Variants in PCNX2 observed in about 807,000 individuals in gnomAD.
The protein encoded by PCNX2 is pecanex 2.
Under a neutral mutation model 223.8 loss-of-function variants are expected in PCNX2, and 168 were observed. That is an observed-to-expected ratio of 0.75 (90% confidence interval 0.66 to 0.85). PCNX2 has a LOEUF of 0.85. Ranked by LOEUF, PCNX2 falls within the 40% of genes least tolerant of loss-of-function variation. The pLI is 0.00. For synonymous variants in PCNX2, 1,006 were observed against 1,052.6 expected (o/e 0.96, Z 0.86); for missense variants, 2,507 against 2,675.5 (o/e 0.94, Z 1.39).
rs1662045705 is a variant in PCNX2 at position 233,295,602 on chromosome 1, T to TCGCCCCCGCCGC, written c.-136_-125dup. Reference sequence around the variant, plus strand: ...CGCGCCCCCGCCGTCGCCGCCGCCGTCGCCCCCGCCGCCTCCTTCCACCCC... The same window carrying TCGCCCCCGCCGC: ...CGCGCCCCCGCCGTCGCCGCCGCCGTCGCCCCCGCCGCCGCCCCCGCCGCCTCCTTCCACCCC... On this transcript the variant is annotated 5_prime_UTR_variant, in exon 1 of 34. Coordinates refer to ENST00000258229, the MANE Select transcript of PCNX2 (RefSeq NM_014801.4). This position sits in a 1 kb window ranked among gnomAD's most constrained non-coding sequence, Gnocchi z 4.1. The TCGCCCCCGCCGC allele has an allele frequency of 2.8e-6, 3 of 1,072,758 alleles. No homozygotes were observed. Among genetic ancestry groups the TCGCCCCCGCCGC allele is most frequent in the Admixed American group, 4.4e-5 (1 of 22,814 alleles). 66.5% of individuals were successfully genotyped at this position (1,072,758 alleles called of 1,614,324 possible). A position where few individuals can be genotyped will look rare whatever the true frequency, so the allele number is the denominator to read the frequency against.
Position 233,025,187 on chromosome 1 carries a change from C to A in PCNX2, c.4564G>T (p.Val1522Leu). The change falls in exon 26 of 34, where the codon GTG (valine) becomes TTG (leucine). Residue 1522 changes from valine (V) to leucine (L), a missense_variant. Around this residue, in one of 3 missense-constraint regions of PCNX2, gnomAD observed 1,372 missense variants for 1,509.4 expected, o/e 0.91. Coordinates refer to ENST00000258229, the MANE Select transcript of PCNX2 (RefSeq NM_014801.4). ...ATGAGGATCCTTCGGAGGTCAAACACCTGCAGCATGGTGGCCGCGTTGTTG... is the reference window on the plus strand; with the variant it reads ...ATGAGGATCCTTCGGAGGTCAAACAACTGCAGCATGGTGGCCGCGTTGTTG... Reference protein sequence around the residue: ...LDNNAATMLQVFDLRRILIRY... With the variant: ...LDNNAATMLQLFDLRRILIRY... The A allele has an allele frequency of 6.2e-7, 1 of 1,614,010 alleles. No homozygotes were observed. Among genetic ancestry groups the A allele is most frequent in the Non-Finnish European group, 8.5e-7 (1 of 1,179,882 alleles).
the PCNX2 span, among the ~76,000 whole-genome samples, chr1:233,303,922 T>G: frequency 6.6e-6 from 1 of 152,250 alleles, no homozygotes; most frequent in African/African-American, 2.4e-5. Flanking sequence ...GGATACAGTT[T>G]TTATTTGATC....
chr1:233,297,221 A>C (rs1286827108), upstream of PCNX2, among the ~76,000 whole-genome samples: 15 of 152,358 alleles, frequency 9.8e-5, no homozygotes, highest in East Asian at 2.9e-3. Flanking sequence ...GTCTGTTCCC[A>C]CATGGAGGTT....
rs1024769555 is a variant in PCNX2 at position 232,991,826 on chromosome 1, C to T, written c.5792-5286G>A. Among the ~76,000 whole-genome samples the T allele has an allele frequency of 3.3e-5, 5 of 152,164 alleles. No homozygotes were observed. Among genetic ancestry groups the T allele is most frequent in the Non-Finnish European group, 7.3e-5 (5 of 68,048 alleles). On this transcript the variant is annotated intron_variant, in intron 32 of 33. Transcript: ENST00000258229. The surrounding 1 kb of genome is among the most constrained non-coding windows in gnomAD (Gnocchi z 4.3). ...ACCAAGCCTGCCCACACCTGGATCT[C>T]AGACTTCCAGCCTCCAGAACTGGCA...
chr1:233,216,384 G>C lies in PCNX2; in HGVS notation c.2691+1515C>G, dbSNP rs1656904844. 2.0e-5 allele frequency among the ~76,000 whole-genome samples: 3 copies of C among 152,282 alleles called. No homozygotes were observed. The South Asian group carries it at 6.2e-4, about 32-fold the overall frequency. ...AGTCTTTGTTATGAATTAGCTCAAA[G>C]TTACAGAGATGAAAAGTAACAATAT... On this transcript the variant is annotated intron_variant, in intron 12 of 33. Transcript: ENST00000258229.
chr1:233,085,659 G>C (rs1190255321), intron 23 of PCNX2, among the ~76,000 whole-genome samples: 1 of 152,136 alleles, frequency 6.6e-6, no homozygotes, highest in South Asian at 2.1e-4. Flanking sequence ...TCTGAGGCTA[G>C]GCCAGAAAAA....
chr1:233,243,583 T>A (rs1348974442), intron 8 of PCNX2, among the ~76,000 whole-genome samples: 2 of 152,158 alleles, frequency 1.3e-5, no homozygotes, highest in African/African-American at 4.8e-5. Context: ...ATCACATAAA[T>A]CAACTCATAA....
At chr1:233,230,206 T>C (rs978387051) in intron 9 of PCNX2, among the ~76,000 whole-genome samples, 3 of 152,164 alleles carry the variant, frequency 2.0e-5, no homozygotes, top group African/African-American at 7.2e-5. Context: ...CACATCTGTA[T>C]CTATGTATGG....
At chr1:233,060,995 T>C (rs1672387002) in intron 23 of PCNX2, among the ~76,000 whole-genome samples, 1 of 152,202 alleles carries the variant, frequency 6.6e-6, no homozygotes, top group Non-Finnish European at 1.5e-5. Context: ...GCACCTTCTC[T>C]CTCAGTTTCA....
chr1:233,054,575 T>A, intron 24 of PCNX2, 92 bp from the exon 25 acceptor site: 4 of 1,010,436 alleles, frequency 4.0e-6, no homozygotes, highest in Non-Finnish European at 5.9e-6. Flanking sequence ...TGATTAAGGG[T>A]AAAATCAGAC....
At chr1:233,170,052 G>T (rs899687196) in intron 17 of PCNX2, among the ~76,000 whole-genome samples, 1 of 152,142 alleles carries the variant, frequency 6.6e-6, no homozygotes, top group African/African-American at 2.4e-5. Context: ...GCTGTAATAA[G>T]TTTATTTCCT....
chr1:233,207,505 G>C (rs567569217), intron 13 of PCNX2, among the ~76,000 whole-genome samples: 3 of 152,150 alleles, frequency 2.0e-5, no homozygotes, highest in Non-Finnish European at 4.4e-5. Flanking sequence ...ATATGCCGTC[G>C]GGTCAATACC....
intron 13 of PCNX2, among the ~76,000 whole-genome samples, chr1:233,203,806 T>G (rs1026262938): frequency 1.3e-5 from 2 of 152,156 alleles, no homozygotes; most frequent in Non-Finnish European, 2.9e-5. Flanking sequence ...GACAGGGTGA[T>G]GGTTTAATTG....
At chr1:233,263,975 G>A (rs1007623183) in intron 1 of PCNX2, among the ~76,000 whole-genome samples, 1 of 152,124 alleles carries the variant, frequency 6.6e-6, no homozygotes, top group African/African-American at 2.4e-5. Context: ...GATTTCCCTA[G>A]GGTTGTATTG....
In PCNX2 at chr1:232,986,267, C is replaced by G. The variant is rs1669476410; in HGVS notation, c.6065G>C (p.Gly2022Ala). ...GCTCAGGGTGGAGCTGGTGGAGGAG[C>G]CCAGGCTGGACCTGATGAGCGCCTC... ...RAEALIRSSL[G>A]SSTSSTLSFL... The change falls in exon 33 of 34, where the codon GGC becomes GCC. Residue 2022 changes from glycine to alanine, a missense_variant. Physicochemically the swap from Gly to Ala is moderately conservative, Grantham distance 60. Transcript: ENST00000258229. The G allele has an allele frequency of 6.4e-7, 1 of 1,561,874 alleles. No individual in the cohort carries two copies. The highest frequency in any genetic ancestry group is 1.4e-5 in the African/African-American group (1 of 73,584).
At chr1:233,043,920 C>T (rs1671734480) in intron 25 of PCNX2, among the ~76,000 whole-genome samples, 1 of 151,554 alleles carries the variant, frequency 6.6e-6, no homozygotes, top group South Asian at 2.1e-4. Flanking sequence ...TGGGTATATA[C>T]CCAGTAATGG....
intron 15 of PCNX2, among the ~76,000 whole-genome samples, chr1:233,189,143 T>C (rs777165760): frequency 6.6e-6 from 1 of 152,198 alleles, no homozygotes; most frequent in Non-Finnish European, 1.5e-5. Context: ...GTACTACTAA[T>C]CCATTTTACA....
intron 8 of PCNX2, chr1:233,241,396 C>A: frequency 1.0e-6 from 1 of 984,226 alleles, no homozygotes; most frequent in Non-Finnish European, 1.2e-6. Flanking sequence ...ACAAACCTTT[C>A]GTCCTTATGC....
intron 25 of PCNX2, among the ~76,000 whole-genome samples, chr1:233,046,145 A>C (rs1671816463): frequency 6.6e-6 from 1 of 152,236 alleles, no homozygotes; most frequent in Non-Finnish European, 1.5e-5. Context: ...TTTCTGAGAA[A>C]AAGTCAGAAT....
Sources: gnomAD v4.1 joint callset for allele counts (sites outside exome capture counted in the v4.1 genomes callset) on GRCh38, gnomAD v4.1.1 for gene constraint, gnomAD v4.1.1 regional missense constraint, Gnocchi (gnomAD v3.1) non-coding constraint, MANE v1.5 for transcripts, NCBI Gene and HGNC (gene_info 2026-07-23, HGNC 2026-07-21) for gene names.